The following IPP variants were observed in gnomAD, a reference collection of about 807,000 sequenced individuals.
IPP encodes the protein intracisternal A particle-promoted polypeptide, also known as actin-binding protein IPP.
In IPP, 41 loss-of-function variants were observed where a neutral mutation model predicts 64.1. The observed-to-expected ratio is 0.64, with a 90% CI of 0.50 to 0.83. The LOEUF (loss-of-function observed/expected upper bound fraction) is 0.83. Ranked by LOEUF, IPP falls within the 40% of genes least tolerant of loss-of-function variation. The pLI is 0.00. For synonymous variants in IPP, 214 were observed against 235.2 expected (o/e 0.91, Z 0.83); for missense variants, 649 against 703.0 (o/e 0.92, Z 0.87).
At chr1:45,717,557 G>A (rs1201250399) in intron 6 of IPP, among the ~76,000 whole-genome samples, 2 of 151,654 alleles carry the variant, frequency 1.3e-5, no homozygotes, top group African/African-American at 2.4e-5. Flanking sequence ...CCAGGCTGGA[G>A]TGCAGTGGTG....
chr1:45,740,914 T>C lies in IPP; in HGVS notation c.711A>G (p.Leu237=). 1 of 1,590,644 alleles carries C rather than the reference T, an allele frequency of 6.3e-7. No homozygotes were observed. Among genetic ancestry groups the C allele is most frequent in the Non-Finnish European group, 8.5e-7 (1 of 1,170,678 alleles). ...RFPLLPPQRL[L]KYIEGVSDFN... is the part of the protein sequence containing the mutation. Reference sequence around the variant, plus strand: ...CAAAAAAGTTACCTTCTATATACTTTAAAAGTCTCTGAGGAGGTAATAAAG... The same window carrying C: ...CAAAAAAGTTACCTTCTATATACTTCAAAAGTCTCTGAGGAGGTAATAAAG... The change falls in exon 3 of 9, where the codon TTA becomes TTG. Residue 237 remains leucine, a synonymous_variant. Transcript: ENST00000396478.
chr1:45,731,632 G>A (rs1266542135), intron 3 of IPP, among the ~76,000 whole-genome samples: 2 of 151,988 alleles, frequency 1.3e-5, no homozygotes, highest in African/African-American at 2.4e-5. Context: ...AAGAGCATAT[G>A]CCTTATTAAA....
chr1:45,741,137 T>A lies in IPP; in HGVS notation c.488A>T (p.His163Leu), dbSNP rs769083258. The change falls in exon 3 of 9, where the codon CAT (histidine) becomes CTT (leucine). Residue 163 changes from histidine (H) to leucine (L), a missense_variant. Transcript: ENST00000396478. ...DLLEFSENYI[H>L]VHFLEVHSGE... ...ACTATGAACCTCCAAGAAATGGACA[T>A]GAATGTAGTTTTCTGAGAATTCCAA... 1 of 1,614,174 alleles carries A rather than the reference T, an allele frequency of 6.2e-7. No individual in the cohort carries two copies. Among genetic ancestry groups the A allele is most frequent in the African/African-American group, 1.3e-5 (1 of 75,066 alleles).
intron 8 of IPP, among the ~76,000 whole-genome samples, chr1:45,712,956 C>G (rs1569970368): frequency 6.6e-6 from 1 of 151,116 alleles, no homozygotes; most frequent in East Asian, 1.9e-4. Flanking sequence ...CACACCTGAC[C>G]TAAAAAATAT....
At chr1:45,716,490 C>T (rs962482191) in intron 7 of IPP, among the ~76,000 whole-genome samples, 1 of 152,198 alleles carries the variant, frequency 6.6e-6, no homozygotes, top group Non-Finnish European at 1.5e-5. Context: ...GGTGATCCTC[C>T]TGCCTCAGCC....
rs200067460 is a variant in IPP at position 45,741,125 on chromosome 1, A to G, written c.500T>C (p.Leu167Ser). 1.2e-6 allele frequency: 2 copies of G among 1,614,186 alleles called. No individual in the cohort carries two copies. The highest frequency in any genetic ancestry group is 4.5e-5 in the East Asian group (2 of 44,874). The change falls in exon 3 of 9, where the codon TTG becomes TCG. Residue 167 changes from leucine (L) to serine (S), a missense_variant. By Grantham distance (145) the Leu-to-Ser change is moderately radical. Coordinates refer to ENST00000396478, the MANE Select transcript of IPP (RefSeq NM_005897.3). ...FSENYIHVHF[L>S]EVHSGEEFLA... ...GAACTCTTCTCCACTATGAACCTCCAAGAAATGGACATGAATGTAGTTTTC... is the reference window on the plus strand; with the variant it reads ...GAACTCTTCTCCACTATGAACCTCCGAGAAATGGACATGAATGTAGTTTTC...
At chr1:45,747,097 T>TGCGCGCATGCGCGCGCACACGAGC (rs561684254) in intron 1 of IPP, among the ~76,000 whole-genome samples, 8 of 151,844 alleles carry the variant, frequency 5.3e-5, no homozygotes, top group African/African-American at 1.2e-4. Context: ...CTACTCTTAG[T>TGCGCGCATGCGCGCGCACACGAGC]GCGCGCATGC....
At chr1:45,748,311 C>G (rs553342169) in intron 1 of IPP, among the ~76,000 whole-genome samples, 6 of 152,136 alleles carry the variant, frequency 3.9e-5, no homozygotes, top group African/African-American at 1.4e-4. Flanking sequence ...TAAAAAATAT[C>G]TATTTTGGGG....
intron 7 of IPP, among the ~76,000 whole-genome samples, chr1:45,715,359 A>G (rs2148557899): frequency 6.6e-6 from 1 of 152,166 alleles, no homozygotes; most frequent in East Asian, 1.9e-4. Context: ...AATGTGGGCT[A>G]GGCCGGGCGC....
At chr1:45,711,624 C>G (rs1424841909) in intron 8 of IPP, among the ~76,000 whole-genome samples, 1 of 151,898 alleles carries the variant, frequency 6.6e-6, no homozygotes, top group Non-Finnish European at 1.5e-5. Flanking sequence ...TGTGGTGGCA[C>G]ATGCCTGTAT....
intron 1 of IPP, among the ~76,000 whole-genome samples, chr1:45,747,336 G>C (rs77684005): frequency 0.01 from 1,577 of 152,028 alleles, 29 homozygotes; most frequent in African/African-American, 0.037. Flanking sequence ...CAATAATTAA[G>C]AGGTGAGAAG....
At chr1:45,745,168 G>T (rs1297693859) in intron 2 of IPP, among the ~76,000 whole-genome samples, 1 of 152,048 alleles carries the variant, frequency 6.6e-6, no homozygotes, top group Non-Finnish European at 1.5e-5. Flanking sequence ...CGAAGTGCTG[G>T]GATTACAGGC....
At chr1:45,722,214 A>G (rs1344411614) in intron 5 of IPP, among the ~76,000 whole-genome samples, 1 of 152,024 alleles carries the variant, frequency 6.6e-6, no homozygotes, top group Non-Finnish European at 1.5e-5. Context: ...AGACTGAGCC[A>G]CTGCCCTCTA....
downstream of IPP, among the ~76,000 whole-genome samples, chr1:45,697,618 A>G (rs1027346105): frequency 2.0e-5 from 3 of 152,186 alleles, no homozygotes; most frequent in African/African-American, 7.2e-5. Flanking sequence ...TTCTATCTAA[A>G]TAAGTTGATG....
intron 7 of IPP, 27 bp from the exon 8 acceptor site, chr1:45,714,493 T>C (rs757426629): frequency 7.6e-7 from 1 of 1,312,314 alleles, no homozygotes; most frequent in Admixed American, 1.7e-5. Context: ...TTTGCTCAGA[T>C]GCTACAGATA....
intron 7 of IPP, among the ~76,000 whole-genome samples, chr1:45,715,707 C>T (rs532758371): frequency 5.5e-4 from 83 of 152,062 alleles, no homozygotes; most frequent in Non-Finnish European, 6.8e-4. Context: ...TCCAGCCTTG[C>T]CAGTAACCAG....
intron 5 of IPP, among the ~76,000 whole-genome samples, chr1:45,720,554 G>A (rs1253944998): frequency 1.3e-5 from 2 of 152,062 alleles, no homozygotes; most frequent in Non-Finnish European, 2.9e-5. Flanking sequence ...GAAGTACAAA[G>A]GGCCTAGAAG....
chr1:45,711,017 T>A (rs576175863), intron 8 of IPP, among the ~76,000 whole-genome samples: 170 of 139,808 alleles, frequency 1.2e-3, no homozygotes, highest in Non-Finnish European at 2.3e-3. Context: ...AGACTCCGTC[T>A]CAAAACAAAC....
At chr1:45,700,373 G>A (rs899436115) in intron 8 of IPP, among the ~76,000 whole-genome samples, 183 bp from the exon 9 acceptor site, 1 of 148,714 alleles carries the variant, frequency 6.7e-6, no homozygotes, top group Non-Finnish European at 1.5e-5. Flanking sequence ...ACAGGGTCTC[G>A]CTCTGTCACC....
Sources: gnomAD v4.1 joint callset for allele counts (sites outside exome capture counted in the v4.1 genomes callset) on GRCh38, gnomAD v4.1.1 for gene constraint, MANE v1.5 for transcripts, NCBI Gene and HGNC (gene_info 2026-07-23, HGNC 2026-07-21) for gene names.